The following CADM2 variants were observed in gnomAD, a reference collection of about 807,000 sequenced individuals.
CADM2 encodes the protein immunoglobulin superfamily member 4D.
In CADM2, 12 loss-of-function variants were observed where a neutral mutation model predicts 49.8. The observed-to-expected ratio is 0.24, with a 90% CI of 0.15 to 0.39. The LOEUF (loss-of-function observed/expected upper bound fraction) is 0.39, where lower values mean the gene tolerates loss of function less well. Ranked by LOEUF, CADM2 falls within the 10% of genes least tolerant of loss-of-function variation. The pLI is 1.00. For missense variants in CADM2, 378 were observed against 492.3 expected, an observed-to-expected ratio of 0.77 and a Z score of 2.20; for synonymous variants, 214 against 175.4, an observed-to-expected ratio of 1.22 and a Z score of -1.74.
At chr3:85,751,206 C>A (rs1559632066) in intron 2 of CADM2, among the ~76,000 whole-genome samples, 1 of 151,962 alleles carries the variant, frequency 6.6e-6, no homozygotes, top group Non-Finnish European at 1.5e-5. Context: ...AAAATCTAGT[C>A]AAGGGGTCTA....
intron 2 of CADM2, among the ~76,000 whole-genome samples, chr3:85,781,903 T>A (rs1004068503): frequency 2.0e-5 from 3 of 152,052 alleles, no homozygotes; most frequent in African/African-American, 7.2e-5. Context: ...TGTGAGTGAG[T>A]GTCTTTTCTA....
intron 1 of CADM2, among the ~76,000 whole-genome samples, chr3:85,183,641 AAT>A (rs1454604012): frequency 6.6e-6 from 1 of 152,112 alleles, no homozygotes; most frequent in Non-Finnish European, 1.5e-5. Flanking sequence ...TGAAGTAACC[AAT>A]CTCTTCATAA....
intron 8 of CADM2, among the ~76,000 whole-genome samples, chr3:86,041,879 T>A (rs1330403043): frequency 1.3e-5 from 2 of 152,198 alleles, no homozygotes; most frequent in Admixed American, 1.3e-4. Flanking sequence ...ACAAACTGTC[T>A]GTCAGATCAC....
intron 1 of CADM2, among the ~76,000 whole-genome samples, chr3:85,631,765 T>A (rs190136659): frequency 6.4e-4 from 97 of 152,256 alleles, no homozygotes; most frequent in African/African-American, 2.2e-3. Flanking sequence ...ATATTGTTTT[T>A]TAAAAGTAAA....
At chr3:85,802,490 A>G (rs2072111071) in intron 3 of CADM2, among the ~76,000 whole-genome samples, 1 of 152,046 alleles carries the variant, frequency 6.6e-6, no homozygotes, top group Non-Finnish European at 1.5e-5. Context: ...TCTTGTAGCT[A>G]TGTTGTGTAT....
At chr3:85,196,907 T>G (rs917140106) in intron 1 of CADM2, among the ~76,000 whole-genome samples, 3 of 151,968 alleles carry the variant, frequency 2.0e-5, no homozygotes, top group African/African-American at 7.2e-5. Context: ...CAGTTACTTC[T>G]TTGTTGATGA....
chr3:85,200,362 T>C (rs2041462310), intron 1 of CADM2, among the ~76,000 whole-genome samples: 1 of 152,112 alleles, frequency 6.6e-6, no homozygotes, highest in Admixed American at 6.5e-5. Flanking sequence ...CTTGAACAGC[T>C]AATATTTTTT....
intron 1 of CADM2, among the ~76,000 whole-genome samples, chr3:85,665,811 G>A (rs545278772): frequency 2.6e-5 from 4 of 151,892 alleles, no homozygotes; most frequent in African/African-American, 7.2e-5. Context: ...TTCTCCCGTC[G>A]TTTCCAACCT....
chr3:85,722,290 A>C (rs1412477823), intron 1 of CADM2, among the ~76,000 whole-genome samples: 2 of 152,022 alleles, frequency 1.3e-5, no homozygotes, highest in African/African-American at 4.8e-5. Flanking sequence ...CAGCTGTTGG[A>C]ATGGCAGTGG....
intron 1 of CADM2, among the ~76,000 whole-genome samples, chr3:85,493,374 C>G (rs1215039148): frequency 6.6e-6 from 1 of 151,910 alleles, no homozygotes; most frequent in African/African-American, 2.4e-5. Context: ...CAAAAGTGTC[C>G]CGCTAAGATA....
chr3:85,852,469 G>A (rs756064861), intron 3 of CADM2, among the ~76,000 whole-genome samples: 3 of 151,862 alleles, frequency 2.0e-5, no homozygotes, highest in Non-Finnish European at 2.9e-5. Flanking sequence ...TTGATTCATG[G>A]GTATTAAAGT....
At chr3:85,170,615 GACTC>G (rs1311071491) in intron 1 of CADM2, among the ~76,000 whole-genome samples, 1 of 152,138 alleles carries the variant, frequency 6.6e-6, no homozygotes, top group African/African-American at 2.4e-5. Context: ...TTACAAGCAT[GACTC>G]ATCGTGCAGG....
intron 1 of CADM2, among the ~76,000 whole-genome samples, chr3:85,069,308 ATTTGT>A (rs2036638238): frequency 6.6e-6 from 1 of 152,132 alleles, no homozygotes; most frequent in African/African-American, 2.4e-5. Context: ...GAGACATTGT[ATTTGT>A]TTTATTTGTC....
At chr3:85,560,119 A>T (rs1175919793) in intron 1 of CADM2, among the ~76,000 whole-genome samples, 1 of 152,088 alleles carries the variant, frequency 6.6e-6, no homozygotes, top group East Asian at 1.9e-4. Context: ...AAAATTATAG[A>T]AAAAAAAGTA....
intron 1 of CADM2, among the ~76,000 whole-genome samples, chr3:85,670,495 A>T (rs1018722276): frequency 6.6e-6 from 1 of 152,104 alleles, no homozygotes; most frequent in African/African-American, 2.4e-5. Context: ...TCAGTGTCAC[A>T]TTCTTCCCAC....
At chr3:85,994,988 AG>A (rs1395729389) in intron 8 of CADM2, among the ~76,000 whole-genome samples, 1 of 146,294 alleles carries the variant, frequency 6.8e-6, no homozygotes, top group East Asian at 2.0e-4. Flanking sequence ...AGGTCAATGC[AG>A]GGTTGCCACA....
At chr3:85,207,050 A>ATGTGTGTG (rs3085116) in intron 1 of CADM2, among the ~76,000 whole-genome samples, 4,180 of 144,906 alleles carry the variant, frequency 0.029, 94 homozygotes, top group African/African-American at 0.056. Context: ...GAAGAAATAA[A>ATGTGTGTG]TGTGTGTGTG....
chr3:85,941,396 T>C (rs1721881854), intron 7 of CADM2, among the ~76,000 whole-genome samples: 1 of 152,172 alleles, frequency 6.6e-6, no homozygotes, highest in East Asian at 1.9e-4. Flanking sequence ...TGGGTCTGTA[T>C]TTTCAAAAAC....
intron 8 of CADM2, among the ~76,000 whole-genome samples, chr3:86,028,274 T>C (rs1734148366): frequency 6.7e-6 from 1 of 148,534 alleles, no homozygotes; most frequent in Non-Finnish European, 1.5e-5. Flanking sequence ...GGCAAAGAAA[T>C]TGCAATTCCT....
Sources: allele counts gnomAD v4.1 joint callset (sites outside exome capture counted in the v4.1 genomes callset), GRCh38; gene constraint gnomAD v4.1.1; transcripts MANE v1.5; gene names NCBI Gene and HGNC (gene_info 2026-07-23, HGNC 2026-07-21).